ZDHHC11: variants seen among roughly 807,000 people sequenced by gnomAD.
ZDHHC11 encodes the protein palmitoyltransferase ZDHHC11.
In ZDHHC11, 44 loss-of-function variants were observed where a neutral mutation model predicts 51.3. That is an observed-to-expected ratio of 0.86 (90% CI 0.67 to 1.10). The LOEUF is 1.10. ZDHHC11 is among the 50% of genes least tolerant of loss of function. The probability of loss-of-function intolerance (pLI) is 0.00; values close to 1 mark genes in which losing one functional copy is unlikely to be tolerated. For synonymous variants in ZDHHC11, 163 were observed against 222.0 expected (o/e 0.73, Z 2.36); for missense variants, 400 against 537.7 (o/e 0.74, Z 2.53).
intron 9 of ZDHHC11, among the ~76,000 whole-genome samples, chr5:821,527 C>G (rs999710927): frequency 6.6e-6 from 1 of 151,356 alleles, no homozygotes; most frequent in Admixed American, 6.6e-5. Context: ...GTGCAGGGCT[C>G]ACGGCAGACA....
At chr5:838,094 G>T (rs543961857) in intron 5 of ZDHHC11, among the ~76,000 whole-genome samples, 3 of 151,956 alleles carry the variant, frequency 2.0e-5, no homozygotes, top group African/African-American at 7.2e-5. Flanking sequence ...CACGAGTGCT[G>T]TGAGTGCCAC....
At chr5:840,875 G>A (rs1744742236) in intron 4 of ZDHHC11, 16 of 1,436,580 alleles carry the variant, frequency 1.1e-5, no homozygotes, top group Non-Finnish European at 1.8e-6. Context: ...GGGAGGTGAG[G>A]CTCCAACATT....
chr5:850,914 C>A lies in ZDHHC11; in HGVS notation c.-312G>T, dbSNP rs1747126649. Reference sequence around the variant, plus strand: ...TGCCCGCGCGACCGCCCATCAGTTCCCCTGAGGATTTGTTACGTTCTGGGG... The same window carrying A: ...TGCCCGCGCGACCGCCCATCAGTTCACCTGAGGATTTGTTACGTTCTGGGG... On this transcript the variant is annotated 5_prime_UTR_variant, in exon 1 of 13. Transcript: ENST00000283441. 6.8e-6 allele frequency: 3 copies of A among 438,196 alleles called. No individual in the cohort carries two copies. Among genetic ancestry groups the A allele is most frequent in the African/African-American group, 3.8e-5 (1 of 26,340 alleles). The allele number at this position is 438,196 out of a possible 1,614,324, so 27.1% of individuals were successfully genotyped here.
intron 12 of ZDHHC11, among the ~76,000 whole-genome samples, chr5:798,070 CT>C (rs1320063568): frequency 2.7e-5 from 4 of 146,490 alleles, no homozygotes; most frequent in Non-Finnish European, 4.5e-5. Context: ...CTGATCCCCC[CT>C]GATTCCTTTG....
chr5:820,074 T>C (rs1233446645), intron 9 of ZDHHC11, among the ~76,000 whole-genome samples: 1 of 151,516 alleles, frequency 6.6e-6, no homozygotes, highest in Non-Finnish European at 1.5e-5. Flanking sequence ...ACATGTCGAT[T>C]TGGCAATCAT....
In ZDHHC11 at chr5:827,613, A is replaced by C. The variant is rs1290983834; in HGVS notation, c.936-2362T>G. On this transcript the variant is annotated intron_variant, in intron 7 of 12. Coordinates refer to ENST00000283441, the MANE Select transcript of ZDHHC11 (RefSeq NM_024786.3). ...ACCAGACTCAACAGACTTTAAAGCC[A>C]CAACAGTTAAGAAAGACAAAGAGCA... 2.0e-5 allele frequency among the ~76,000 whole-genome samples: 3 copies of C among 151,420 alleles called. 1 individual carries two copies. The highest frequency in any genetic ancestry group is 2.0e-4 in the Admixed American group (3 of 15,246).
intron 1 of ZDHHC11, among the ~76,000 whole-genome samples, chr5:850,004 G>A (rs746546720): frequency 6.6e-6 from 1 of 152,232 alleles, no homozygotes; most frequent in Non-Finnish European, 1.5e-5. Context: ...GCCGACCTGC[G>A]GGGCATGGCG....
At chr5:810,928 C>G (rs200213536) in intron 11 of ZDHHC11, among the ~76,000 whole-genome samples, 6,780 of 142,060 alleles carry the variant, frequency 0.048, 3 homozygotes, top group East Asian at 0.15. Flanking sequence ...AAAGCAGGTG[C>G]CTAAAGAGGT....
upstream of ZDHHC11, among the ~76,000 whole-genome samples, chr5:855,506 C>CCA (rs1338076726): frequency 6.9e-6 from 1 of 144,892 alleles, no homozygotes; most frequent in African/African-American, 2.7e-5. Flanking sequence ...GGACAGCAAG[C>CCA]TGGGGTCACA....
At chr5:828,981 A>T (rs200405671) in intron 7 of ZDHHC11, among the ~76,000 whole-genome samples, 21,949 of 124,344 alleles carry the variant, frequency 0.18, 1,457 homozygotes, top group African/African-American at 0.34. Flanking sequence ...TCAAAACCTC[A>T]AGGACACAGC....
intron 11 of ZDHHC11, among the ~76,000 whole-genome samples, chr5:806,110 C>G (rs1651311): frequency 0.96 from 145,006 of 150,862 alleles, 69,901 homozygotes; most frequent in African/African-American, 0.99. Flanking sequence ...TGAATAACTA[C>G]AGCCTTTCGT....
intron 11 of ZDHHC11, among the ~76,000 whole-genome samples, chr5:802,247 G>C (rs1738529928): frequency 6.6e-6 from 1 of 151,288 alleles, no homozygotes. Flanking sequence ...ATTATTGCAG[G>C]GGGAGCAGTA....
rs1560877585 is a variant in ZDHHC11 at position 858,438 on chromosome 5, TG to T, written c.-1+435del. ...GACACCGTGGTCCCTGAATCTATCC[TG>T]GTCCAAGTCCCCATCCTGTCTTTAT... On this transcript the variant is annotated intron_variant, in intron 1 of 3. Transcript: ENST00000685990. 3.3e-5 allele frequency among the ~76,000 whole-genome samples: 5 copies of T among 151,852 alleles called. No individual in the cohort carries two copies. The South Asian group carries it at 8.4e-4, about 25-fold the overall frequency.
At chr5:829,221 T>G (rs576745201) in intron 7 of ZDHHC11, among the ~76,000 whole-genome samples, 1 of 150,512 alleles carries the variant, frequency 6.6e-6, no homozygotes, top group Non-Finnish European at 1.5e-5. Context: ...GCCAGTTTTC[T>G]GAAAACACAA....
chr5:812,399 C>T (rs1331897952), intron 11 of ZDHHC11, among the ~76,000 whole-genome samples: 1 of 151,928 alleles, frequency 6.6e-6, no homozygotes, highest in Admixed American at 6.6e-5. Context: ...CAAACAACTC[C>T]ATTTAAAAGT....
At chr5:816,665 G>C (rs1201121465) in intron 10 of ZDHHC11, 4 of 623,068 alleles carry the variant, frequency 6.4e-6, no homozygotes, top group Non-Finnish European at 1.2e-5. Flanking sequence ...TCCCTTTCCA[G>C]AGTCCAAGCC....
chr5:823,525 G>C (rs1741837709), intron 8 of ZDHHC11: 1 of 152,704 alleles, frequency 6.5e-6, no homozygotes, highest in African/African-American at 2.4e-5. Flanking sequence ...CCACTCCAAG[G>C]GGAGGCGATG....
In ZDHHC11 at chr5:850,778, G is replaced by T; in HGVS notation, c.-176C>A. On this transcript the variant is annotated 5_prime_UTR_variant, in exon 1 of 13. Transcript: ENST00000283441. ...CGCAGAGGGAGCAGGGGCTGGGCTG[G>T]AGTCGGTGCAGGGCCCCGCCCAGGG... is the stretch of plus-strand genomic sequence containing the variant. 1.3e-6 allele frequency: 1 copy of T among 786,808 alleles called. No individual in the cohort carries two copies. Among genetic ancestry groups the T allele is most frequent in the South Asian group, 1.8e-5 (1 of 54,994 alleles). 48.7% of individuals were successfully genotyped at this position (786,808 alleles called of 1,614,324 possible).
Position 850,512 on chromosome 5 carries a change from C to G in ZDHHC11, c.91G>C (p.Val31Leu), listed in dbSNP as rs1227552963. The change falls in exon 1 of 13, where the codon GTG (valine) becomes CTG (leucine). Residue 31 changes from valine to leucine, a missense_variant. Coordinates refer to ENST00000283441, the MANE Select transcript of ZDHHC11 (RefSeq NM_024786.3). ...TGCAGGGGTAACGACCAGCCGTTCA[C>G]TCTGGAGATGCGGGGCGGCAAGACC... ...KLVLPPRISR[V>L]NGWSLPLHYF... is the part of the protein sequence containing the mutation. The G allele has an allele frequency of 6.2e-7, 1 of 1,613,656 alleles. No individual in the cohort carries two copies. The highest frequency in any genetic ancestry group is 1.3e-5 in the African/African-American group (1 of 74,950).
Sources: allele counts gnomAD v4.1 joint callset (sites outside exome capture counted in the v4.1 genomes callset), GRCh38; gene constraint gnomAD v4.1.1; transcripts MANE v1.5; gene names NCBI Gene and HGNC (gene_info 2026-07-23, HGNC 2026-07-21).